Variants in PUM3 observed in about 807,000 individuals in gnomAD.
PUM3 encodes the protein pumilio RNA binding family member 3.
In PUM3, 91 loss-of-function variants were observed where a neutral mutation model predicts 84.0. The observed-to-expected ratio is 1.08, with a 90% CI of 0.91 to 1.29. The LOEUF (loss-of-function observed/expected upper bound fraction) is 1.29. PUM3 is among the 50% of genes most tolerant of loss of function. The pLI is 0.00. For synonymous variants in PUM3, 321 were observed against 266.7 expected (o/e 1.20, Z -1.98); for missense variants, 1,067 against 767.5 (o/e 1.39, Z -4.61).
At chr9:2,813,346 C>G (rs1466750486) in intron 13 of PUM3, among the ~76,000 whole-genome samples, 3 of 152,114 alleles carry the variant, frequency 2.0e-5, no homozygotes, top group African/African-American at 7.2e-5. Flanking sequence ...AATTTATTTC[C>G]CCACCTCTAA....
chr9:2,829,711 G>C, intron 8 of PUM3, 63 bp downstream of exon 8: 1 of 1,392,830 alleles, frequency 7.2e-7, no homozygotes, highest in Non-Finnish European at 9.9e-7. Flanking sequence ...ATAGGGCACC[G>C]GAAGTTAAGG....
intron 13 of PUM3, among the ~76,000 whole-genome samples, chr9:2,816,832 C>G (rs1821480254): frequency 6.6e-6 from 1 of 152,214 alleles, no homozygotes; most frequent in African/African-American, 2.4e-5. Flanking sequence ...TCACTATCTG[C>G]TGATTACACT....
chr9:2,842,496 C>T (rs1235688505), intron 1 of PUM3, among the ~76,000 whole-genome samples: 1 of 152,140 alleles, frequency 6.6e-6, no homozygotes, highest in African/African-American at 2.4e-5. Context: ...AAGTTTAAAG[C>T]CATTCTCTCT....
intron 1 of PUM3, among the ~76,000 whole-genome samples, chr9:2,843,287 C>G (rs552780303): frequency 6.6e-6 from 1 of 152,204 alleles, no homozygotes; most frequent in African/African-American, 2.4e-5. Context: ...GGAACTTAGC[C>G]CATTATCGCC....
intron 15 of PUM3, 22 bp from the exon 16 acceptor site, chr9:2,810,453 T>G (rs1473929556): frequency 6.5e-7 from 1 of 1,529,958 alleles, no homozygotes; most frequent in Non-Finnish European, 8.9e-7. Context: ...CAAGAACAGT[T>G]AATTTTAAAA....
Position 2,828,664 on chromosome 9 carries a change from A to C in PUM3, c.956+11T>G. On this transcript the variant is annotated intron_variant, in intron 9 of 17. Transcript: ENST00000397885. ...CATTTCTTAAGAACAAAACAAAAAC[A>C]ACTTTCTTACTTTTGGGCCATTGGA... The C allele has an allele frequency of 6.7e-7, 1 of 1,482,074 alleles. No homozygotes were observed. Among genetic ancestry groups the C allele is most frequent in the Non-Finnish European group, 9.4e-7 (1 of 1,063,898 alleles). 91.8% of individuals were successfully genotyped at this position (1,482,074 alleles called of 1,614,324 possible). A position where few individuals can be genotyped will look rare whatever the true frequency, so the allele number is the denominator to read the frequency against.
intron 17 of PUM3, among the ~76,000 whole-genome samples, chr9:2,806,127 T>TC (rs1397712637): frequency 2.0e-5 from 3 of 152,210 alleles, no homozygotes; most frequent in East Asian, 3.8e-4. Flanking sequence ...TAATGGGAGT[T>TC]CTGATTGATG....
chr9:2,806,817 A>C (rs1273577175), intron 17 of PUM3, among the ~76,000 whole-genome samples: 1 of 152,218 alleles, frequency 6.6e-6, no homozygotes, highest in Non-Finnish European at 1.5e-5. Context: ...CAATCCTTTT[A>C]CAATCTTTTA....
chr9:2,804,366 C>T lies in PUM3; in HGVS notation c.1912G>A (p.Gly638Arg). 6.2e-7 allele frequency: 1 copy of T among 1,613,662 alleles called. No homozygotes were observed. Among genetic ancestry groups the T allele is most frequent in the Non-Finnish European group, 8.5e-7 (1 of 1,179,832 alleles). ...TLEKTKSTSK[G>R]IEILLEKLST ...AGTTTTTCAAGTAGAATTTCTATTC[C>T]TTTGCTGGTGCTTTTGGTTTTTTCC... Residue 638 changes from glycine (G) to arginine (R), a missense_variant, in exon 18 of 18, where the codon GGA (glycine) becomes AGA (arginine). Gly to Arg is a moderately radical substitution (Grantham distance 125, BLOSUM62 -2). Coordinates refer to ENST00000397885, the MANE Select transcript of PUM3 (RefSeq NM_014878.5).
chr9:2,816,952 T>C (rs1399759144), intron 13 of PUM3, among the ~76,000 whole-genome samples: 1 of 152,234 alleles, frequency 6.6e-6, no homozygotes, highest in Non-Finnish European at 1.5e-5. Flanking sequence ...CACACTAAGC[T>C]TTCTTGGCTA....
intron 12 of PUM3, among the ~76,000 whole-genome samples, chr9:2,822,074 C>G (rs1045212524): frequency 2.6e-5 from 4 of 152,068 alleles, no homozygotes; most frequent in African/African-American, 9.7e-5. Flanking sequence ...ATAAGCATAA[C>G]CAAGCATAAA....
intron 1 of PUM3, among the ~76,000 whole-genome samples, chr9:2,841,154 T>A (rs1353674921): frequency 6.6e-6 from 1 of 152,222 alleles, no homozygotes; most frequent in Non-Finnish European, 1.5e-5. Flanking sequence ...TACAATTTAT[T>A]TATACACATA....
chr9:2,826,571 AATG>A (rs924087012), intron 10 of PUM3, among the ~76,000 whole-genome samples: 44 of 152,344 alleles, frequency 2.9e-4, no homozygotes, highest in African/African-American at 1.1e-3. Context: ...CAGGGAACTA[AATG>A]ATGAATTCTC....
At chr9:2,815,878 G>A (rs891571799) in intron 13 of PUM3, among the ~76,000 whole-genome samples, 7 of 152,148 alleles carry the variant, frequency 4.6e-5, no homozygotes, top group African/African-American at 1.7e-4. Flanking sequence ...TCTAAAGTAG[G>A]CATGTAAACA....
intron 8 of PUM3, 103 bp downstream of exon 8, chr9:2,829,671 A>T: frequency 2.1e-6 from 2 of 974,184 alleles, no homozygotes; most frequent in Non-Finnish European, 3.0e-6. Context: ...TTAAAGAACC[A>T]GCCACAGTAA....
intron 11 of PUM3, among the ~76,000 whole-genome samples, 166 bp from the exon 12 acceptor site, chr9:2,824,000 A>G (rs10757713): frequency 0.5 from 76,476 of 151,930 alleles, 19,524 homozygotes; most frequent in South Asian, 0.6. Flanking sequence ...GTAATATACC[A>G]AAGAAGTTGG....
intron 12 of PUM3, among the ~76,000 whole-genome samples, chr9:2,822,056 G>A (rs920856619): frequency 3.3e-5 from 5 of 152,030 alleles, no homozygotes; most frequent in African/African-American, 7.2e-5. Context: ...CTCTTAACTC[G>A]GACACACATA....
rs747805641 is a variant in PUM3, at chr9:2,823,767, TTTA to T, written c.1188+11_1188+13del. 2.4e-6 allele frequency: 3 copies of T among 1,258,514 alleles called. No homozygotes were observed. In the South Asian group the frequency reaches 4.3e-5, roughly 18 times the overall value. The allele number at this position is 1,258,514 out of a possible 1,614,324, so 78.0% of individuals were successfully genotyped here. The stretch of plus-strand genomic sequence containing the variant: ...ATCAAAAATAATTAGAATATGTAGT[TTTA>T]TTATACTTACATTAGCCACCTTTTC... On this transcript the variant is annotated intron_variant, in intron 12 of 17. Transcript: ENST00000397885.
intron 1 of PUM3, among the ~76,000 whole-genome samples, chr9:2,841,367 G>A (rs2129897917): frequency 6.6e-6 from 1 of 152,236 alleles, no homozygotes; most frequent in East Asian, 1.9e-4. Flanking sequence ...TGGATTACCT[G>A]AGGTCAGGAG....
Sources: allele counts gnomAD v4.1 joint callset (sites outside exome capture counted in the v4.1 genomes callset), GRCh38; gene constraint gnomAD v4.1.1; transcripts MANE v1.5; gene names NCBI Gene and HGNC (gene_info 2026-07-23, HGNC 2026-07-21).